Variants in GPC3 observed in about 807,000 individuals in gnomAD.
GPC3 encodes glypican-3.
GPC3 carries 3 observed loss-of-function variants against 34.4 expected under a neutral mutation model. That is an observed-to-expected ratio of 0.09 (90% CI 0.04 to 0.23). The LOEUF (loss-of-function observed/expected upper bound fraction) is 0.23, where lower values mean the gene tolerates loss of function less well. Among genes scored for constraint, GPC3 ranks in the 10% least tolerant of loss-of-function variants. GPC3 has a pLI of 1.00. For missense variants in GPC3, 351 were observed against 445.6 expected (o/e 0.79, Z 1.91); for synonymous variants, 177 against 174.0 (o/e 1.02, Z -0.13).
intron 7 of GPC3, among the ~76,000 whole-genome samples, chrX:133,552,219 C>T (rs1225453169): frequency 8.9e-6 from 1 of 111,848 alleles, no homozygotes; most frequent in East Asian, 2.8e-4. Context: ...CTTCTGATGA[C>T]CCTTGCTAGC....
chrX:133,965,170 A>ACCCCCCC (rs368195242), intron 1 of GPC3, among the ~76,000 whole-genome samples: 3 of 102,445 alleles, frequency 2.9e-5, no homozygotes, highest in African/African-American at 7.3e-5. Flanking sequence ...GAATGGTGTC[A>ACCCCCCC]CCCCCCCCCA....
chrX:133,772,335 C>T (rs1220160685), intron 2 of GPC3, among the ~76,000 whole-genome samples: 1 of 110,740 alleles, frequency 9.0e-6, no homozygotes, highest in Non-Finnish European at 1.9e-5. Flanking sequence ...ACCTATGTCA[C>T]TATTGATCAT....
chrX:133,775,970 A>G (rs2124498046), intron 2 of GPC3, among the ~76,000 whole-genome samples: 1 of 111,805 alleles, frequency 8.9e-6, no homozygotes, highest in South Asian at 3.8e-4. Flanking sequence ...TGGAAAATAA[A>G]AAGCCTCCCA....
At chrX:133,641,630 G>T (rs748936731) in intron 6 of GPC3, among the ~76,000 whole-genome samples, 2 of 111,496 alleles carry the variant, frequency 1.8e-5, no homozygotes, top group African/African-American at 6.5e-5. Context: ...CACAGAGGAA[G>T]GTCTGGCACA....
intron 2 of GPC3, among the ~76,000 whole-genome samples, chrX:133,952,053 A>G (rs1375029745): frequency 9.0e-6 from 1 of 110,689 alleles, no homozygotes; most frequent in Non-Finnish European, 1.9e-5. Context: ...GGAAGGATAG[A>G]AGAAAGACTG....
At chrX:133,965,148 A>G (rs768108440) in intron 1 of GPC3, among the ~76,000 whole-genome samples, 12 of 110,517 alleles carry the variant, frequency 1.1e-4, no homozygotes, top group Non-Finnish European at 2.3e-4. Context: ...GCTCTCCTCT[A>G]TATGGTGGGT....
intron 2 of GPC3, among the ~76,000 whole-genome samples, chrX:133,907,396 C>T (rs1425713919): frequency 9.1e-6 from 1 of 109,403 alleles, no homozygotes; most frequent in Non-Finnish European, 1.9e-5. Context: ...GGGCACACTA[C>T]AAAATTTGTC....
chrX:133,937,497 G>A (rs1253338728), intron 2 of GPC3, among the ~76,000 whole-genome samples: 1 of 110,346 alleles, frequency 9.1e-6, no homozygotes, highest in Non-Finnish European at 1.9e-5. Flanking sequence ...GAACATAACT[G>A]TAGAGAGCAT....
At chrX:133,901,201 A>G (rs1348819517) in intron 2 of GPC3, among the ~76,000 whole-genome samples, 1 of 112,035 alleles carries the variant, frequency 8.9e-6, no homozygotes, top group Non-Finnish European at 1.9e-5. Context: ...AAATCAAATA[A>G]TACTATTTCT....
At chrX:133,923,080 GA>G (rs1374639283) in intron 2 of GPC3, among the ~76,000 whole-genome samples, 1 of 110,811 alleles carries the variant, frequency 9.0e-6, no homozygotes, top group African/African-American at 3.3e-5. Context: ...CTTCCAACAA[GA>G]AGCCTTACAT....
At chrX:133,651,981 T>C (rs1038595170) in intron 6 of GPC3, among the ~76,000 whole-genome samples, 5 of 112,211 alleles carry the variant, frequency 4.5e-5, no homozygotes, top group African/African-American at 1.6e-4. Context: ...ATGGCCTGAT[T>C]AGTTCTGAGT....
chrX:133,831,944 T>A (rs1373527562), intron 2 of GPC3, among the ~76,000 whole-genome samples: 2 of 111,739 alleles, frequency 1.8e-5, no homozygotes, highest in Middle Eastern at 4.6e-3. Flanking sequence ...TTTCCCCCCC[T>A]TTTACACACA....
chrX:133,724,396 C>T (rs1346347519), intron 3 of GPC3, among the ~76,000 whole-genome samples: 2 of 112,035 alleles, frequency 1.8e-5, no homozygotes, highest in Non-Finnish European at 3.8e-5. Flanking sequence ...AAGAATGAAT[C>T]GTCTCAAGTG....
At chrX:133,594,937 T>C (rs920346239) in intron 7 of GPC3, among the ~76,000 whole-genome samples, 17 of 110,930 alleles carry the variant, frequency 1.5e-4, no homozygotes, top group African/African-American at 4.6e-4. Context: ...CTCACACCTA[T>C]AATCCCAGCA....
chrX:133,811,442 T>C (rs1448533852), intron 2 of GPC3, among the ~76,000 whole-genome samples: 1 of 111,665 alleles, frequency 9.0e-6, no homozygotes, highest in Non-Finnish European at 1.9e-5. Context: ...TTTTGTTTTG[T>C]TTTGTTTTTT....
chrX:133,600,392 A>G (rs2069968062), intron 6 of GPC3, among the ~76,000 whole-genome samples: 1 of 111,827 alleles, frequency 8.9e-6, no homozygotes, highest in African/African-American at 3.3e-5. Flanking sequence ...CAATGTCCCC[A>G]CTATTCTTGA....
intron 3 of GPC3, among the ~76,000 whole-genome samples, chrX:133,702,816 T>A (rs1479780867): frequency 1.8e-5 from 2 of 111,874 alleles, no homozygotes; most frequent in Non-Finnish European, 3.8e-5. Flanking sequence ...TGCCACATCT[T>A]ATCAGACAGG....
chrX:133,669,373 G>A (rs2070804273), intron 5 of GPC3, among the ~76,000 whole-genome samples: 1 of 112,409 alleles, frequency 8.9e-6, no homozygotes, highest in African/African-American at 3.2e-5. Context: ...GTGCCCCTGG[G>A]GAATTTCATG....
intron 2 of GPC3, among the ~76,000 whole-genome samples, chrX:133,909,830 T>C (rs1176703299): frequency 9.0e-6 from 1 of 111,433 alleles, no homozygotes; most frequent in Non-Finnish European, 1.9e-5. Context: ...ACTCAAGGAC[T>C]CCCAGTGAAG....
Sources: gnomAD v4.1 joint callset for allele counts (sites outside exome capture counted in the v4.1 genomes callset) on GRCh38, gnomAD v4.1.1 for gene constraint, MANE v1.5 for transcripts, NCBI Gene and HGNC (gene_info 2026-07-23, HGNC 2026-07-21) for gene names.